Variants in ZNF148 observed in about 807,000 individuals in gnomAD.
ZNF148 encodes the protein zinc finger protein 148.
A neutral mutation model predicts 67.7 loss-of-function variants in ZNF148; 7 were observed. The ratio of observed to expected loss-of-function variants is 0.10; its 90% CI spans 0.06 to 0.19. The LOEUF is 0.19. Ranked by LOEUF, ZNF148 falls within the 10% of genes least tolerant of loss-of-function variation. The probability of loss-of-function intolerance (pLI) is 1.00; values close to 1 mark genes in which losing one functional copy is unlikely to be tolerated. For synonymous variants in ZNF148, 333 were observed against 330.7 expected (o/e 1.01, Z -0.08); for missense variants, 583 against 947.1 (o/e 0.62, Z 5.05).
At chr3:125,358,282 C>G (rs1016432846) in intron 1 of ZNF148, among the ~76,000 whole-genome samples, 9 of 151,950 alleles carry the variant, frequency 5.9e-5, no homozygotes, top group African/African-American at 2.2e-4. Context: ...CACTGCACTC[C>G]ACTCTGGGCA....
At chr3:125,265,324 A>G (rs901779677) in intron 7 of ZNF148, among the ~76,000 whole-genome samples, 10 of 152,370 alleles carry the variant, frequency 6.6e-5, no homozygotes, top group Admixed American at 1.3e-4. Context: ...GAGCTTCTTC[A>G]GCCTTGCCTG....
chr3:125,364,517 G>A lies in ZNF148; in HGVS notation c.-234+10585C>T, dbSNP rs555126924. On this transcript the variant is annotated intron_variant, in intron 1 of 8. Coordinates refer to ENST00000360647, the MANE Select transcript of ZNF148 (RefSeq NM_021964.3). ...CACAGCAATGAAAAAAGAATAAACA[G>A]CCAAACATAACATGGATAAAACTCA... Among the ~76,000 whole-genome samples, 118 of 152,256 alleles carry A rather than the reference G, an allele frequency of 7.8e-4. 2 individuals are homozygous for A. In the South Asian group the frequency reaches 0.025, roughly 32 times the overall value.
At chr3:125,298,544 T>C (rs1472454545) in intron 4 of ZNF148, among the ~76,000 whole-genome samples, 5 of 151,900 alleles carry the variant, frequency 3.3e-5, no homozygotes, top group Non-Finnish European at 7.4e-5. Flanking sequence ...AAATGAATAA[T>C]GTAAATTTCA....
At chr3:125,321,818 ATT>A (rs1441052009) in intron 3 of ZNF148, among the ~76,000 whole-genome samples, 1 of 152,078 alleles carries the variant, frequency 6.6e-6, no homozygotes, top group Non-Finnish European at 1.5e-5. Flanking sequence ...CATAATAAAT[ATT>A]TTAAAAAAAC....
At chr3:125,324,844 T>C (rs1290068377) in intron 2 of ZNF148, among the ~76,000 whole-genome samples, 2 of 152,208 alleles carry the variant, frequency 1.3e-5, no homozygotes, top group Non-Finnish European at 2.9e-5. Context: ...AGAGCTCAAA[T>C]TCTTGTAGAA....
chr3:125,312,493 C>A (rs994382530), intron 4 of ZNF148, among the ~76,000 whole-genome samples: 9 of 152,108 alleles, frequency 5.9e-5, no homozygotes, highest in Non-Finnish European at 1.0e-4. Flanking sequence ...AAGCATCGTA[C>A]AAGTAAATCA....
At chr3:125,367,305 T>C (rs1243636922) in intron 1 of ZNF148, among the ~76,000 whole-genome samples, 1 of 152,220 alleles carries the variant, frequency 6.6e-6, no homozygotes, top group Non-Finnish European at 1.5e-5. Flanking sequence ...CCTCCAAAGA[T>C]AGCCTGTCAT....
intron 7 of ZNF148, among the ~76,000 whole-genome samples, chr3:125,240,580 A>C (rs1193538691): frequency 1.3e-5 from 2 of 152,072 alleles, no homozygotes; most frequent in Admixed American, 6.6e-5. Flanking sequence ...TCTGGGTGAC[A>C]CAGTGGACCC....
intron 4 of ZNF148, among the ~76,000 whole-genome samples, chr3:125,292,070 A>G (rs967323334): frequency 1.3e-5 from 2 of 152,232 alleles, no homozygotes; most frequent in Admixed American, 1.3e-4. Context: ...ATTTGCATGT[A>G]TATTTCCAAG....
At chr3:125,274,815 T>C (rs1014262307) in intron 7 of ZNF148, among the ~76,000 whole-genome samples, 1 of 152,170 alleles carries the variant, frequency 6.6e-6, no homozygotes, top group African/African-American at 2.4e-5. Context: ...TGAGGGTCGG[T>C]TAGGTGACTC....
intron 1 of ZNF148, among the ~76,000 whole-genome samples, chr3:125,368,213 C>T (rs1172341824): frequency 6.6e-6 from 1 of 152,198 alleles, no homozygotes; most frequent in East Asian, 1.9e-4. Flanking sequence ...TATTAACAAA[C>T]ATACTCAGAA....
Position 125,233,447 on chromosome 3 carries a change from A to T in ZNF148, c.1279T>A (p.Phe427Ile). The T allele has an allele frequency of 6.2e-7, 1 of 1,613,934 alleles. No individual in the cohort carries two copies. The highest frequency in any genetic ancestry group is 8.5e-7 in the Non-Finnish European group (1 of 1,179,916). ...AAAGCCTGTTTATCCACAAGTTCAA[A>T]AGCATACTTTGAAACTTTGCTCTCT... ...YEESKVSKYA[F>I]ELVDKQALLD... The change falls in exon 9 of 9, where the codon TTT becomes ATT. Residue 427 changes from phenylalanine to isoleucine, a missense_variant. Physicochemically the swap from Phe to Ile is conservative, Grantham distance 21. Transcript: ENST00000360647. This position sits in a 1 kb window ranked among gnomAD's most constrained non-coding sequence, Gnocchi z 5.1.
chr3:125,291,763 C>T (rs750928904), intron 4 of ZNF148, among the ~76,000 whole-genome samples: 8 of 151,990 alleles, frequency 5.3e-5, no homozygotes, highest in Non-Finnish European at 1.0e-4. Context: ...AGTCAGCATA[C>T]AGAGATAAAA....
chr3:125,309,630 C>T (rs551776298), intron 4 of ZNF148, among the ~76,000 whole-genome samples: 11 of 152,216 alleles, frequency 7.2e-5, no homozygotes, highest in East Asian at 5.8e-4. Flanking sequence ...GGGATTATGA[C>T]GGCTATTTCC....
intron 1 of ZNF148, among the ~76,000 whole-genome samples, chr3:125,370,931 T>C (rs1396570046): frequency 1.3e-5 from 2 of 152,164 alleles, no homozygotes; most frequent in Non-Finnish European, 2.9e-5. Flanking sequence ...CCTCAAAATG[T>C]ATCACCACCT....
chr3:125,286,088 G>A (rs141898983), intron 5 of ZNF148, among the ~76,000 whole-genome samples: 1 of 152,100 alleles, frequency 6.6e-6, no homozygotes, highest in Non-Finnish European at 1.5e-5. Context: ...CAATGAATCC[G>A]AAGTAACAAC....
chr3:125,350,313 A>C (rs1942096619), intron 1 of ZNF148, among the ~76,000 whole-genome samples: 1 of 151,402 alleles, frequency 6.6e-6, no homozygotes, highest in Admixed American at 6.5e-5. Flanking sequence ...GGCATGTGTC[A>C]CCAGGCCCAT....
Position 125,235,892 on chromosome 3 carries a change from T to C in ZNF148, c.668-1563A>G, listed in dbSNP as rs187499495. Among the ~76,000 whole-genome samples, 1,158 of 136,188 alleles carry C rather than the reference T, an allele frequency of 8.5e-3. 11 individuals carry two copies. Among genetic ancestry groups the C allele is most frequent in the African/African-American group, 0.028 (999 of 35,890 alleles). The allele number at this position is 136,188 out of a possible 152,430, so 89.3% of individuals were successfully genotyped here. On this transcript the variant is annotated intron_variant, in intron 7 of 8. Transcript: ENST00000360647. ...GCATGTTCTCACTCATAGGTGGGAA[T>C]TGAACAATGAGAACACCTGGACAGA... is the stretch of plus-strand genomic sequence containing the variant.
intron 7 of ZNF148, among the ~76,000 whole-genome samples, chr3:125,277,406 C>T (rs1245940854): frequency 6.6e-6 from 1 of 152,078 alleles, no homozygotes; most frequent in Non-Finnish European, 1.5e-5. Context: ...GCTTCCTACC[C>T]CAGACTAATT....
Sources: allele counts gnomAD v4.1 joint callset (sites outside exome capture counted in the v4.1 genomes callset), GRCh38; gene constraint gnomAD v4.1.1; non-coding constraint Gnocchi (gnomAD v3.1); transcripts MANE v1.5; gene names NCBI Gene and HGNC (gene_info 2026-07-23, HGNC 2026-07-21).